Variants in ZNF440 observed in about 807,000 individuals in gnomAD.
ZNF440 encodes zinc finger protein 440.
ZNF440 carries 47 observed loss-of-function variants against 49.7 expected under a neutral mutation model. That is an observed-to-expected ratio of 0.95 (90% CI 0.75 to 1.21). ZNF440 has a LOEUF of 1.21. ZNF440 is among the 50% of genes most tolerant of loss of function. ZNF440 has a pLI of 0.00. For synonymous variants in ZNF440, 255 were observed against 237.7 expected (o/e 1.07, Z -0.67); for missense variants, 703 against 715.0 (o/e 0.98, Z 0.19).
intron 3 of ZNF440, 79 bp downstream of exon 3, chr19:11,830,756 C>T: frequency 6.7e-7 from 1 of 1,494,030 alleles, no homozygotes. Context: ...ATAAGTAAAA[C>T]AAAGAACTAA....
intron 1 of ZNF440, among the ~76,000 whole-genome samples, chr19:11,828,648 C>A (rs1329264808): frequency 6.6e-6 from 1 of 151,024 alleles, no homozygotes; most frequent in African/African-American, 2.4e-5. Context: ...AGGTGTCATG[C>A]ATGTTGTAGT....
intron 1 of ZNF440, among the ~76,000 whole-genome samples, chr19:11,821,161 A>G (rs1246434554): frequency 2.0e-5 from 3 of 151,874 alleles, no homozygotes; most frequent in Admixed American, 6.6e-5. Context: ...GCACTCTCCT[A>G]TGTTTTCTTG....
intron 1 of ZNF440, among the ~76,000 whole-genome samples, chr19:11,818,668 G>A (rs2545815): frequency 0.01 from 1,535 of 152,152 alleles, 26 homozygotes; most frequent in African/African-American, 0.035. Flanking sequence ...CGCCTCCCAA[G>A]TAGCTGAGAC....
intron 3 of ZNF440, among the ~76,000 whole-genome samples, 184 bp downstream of exon 3, chr19:11,830,861 T>C (rs1358642949): frequency 6.6e-6 from 1 of 152,192 alleles, no homozygotes; most frequent in Non-Finnish European, 1.5e-5. Context: ...GTAATCCCAA[T>C]CCTTTGAGAA....
intron 1 of ZNF440, among the ~76,000 whole-genome samples, chr19:11,819,561 G>A (rs1429264963): frequency 6.6e-6 from 1 of 152,100 alleles, no homozygotes; most frequent in Non-Finnish European, 1.5e-5. Flanking sequence ...ACCACACTTG[G>A]CTAATTTTTA....
chr19:11,826,147 C>A (rs587859), intron 1 of ZNF440, among the ~76,000 whole-genome samples: 57,581 of 151,960 alleles, frequency 0.38, 11,312 homozygotes, highest in African/African-American at 0.46. Flanking sequence ...GAATAACATT[C>A]TATTGTACGG....
At position 11,833,743 on chromosome 19, in the gene ZNF440, A is replaced by G; in HGVS notation, c.*779A>G. 1 of 806,144 alleles carries G rather than the reference A, an allele frequency of 1.2e-6. No homozygotes were observed. The highest frequency in any genetic ancestry group is 1.8e-6 in the Non-Finnish European group (1 of 540,756). The allele number at this position is 806,144 out of a possible 1,614,324, so 49.9% of individuals were successfully genotyped here. On this transcript the variant is annotated 3_prime_UTR_variant, in exon 4 of 4. Coordinates refer to ENST00000304060, the MANE Select transcript of ZNF440 (RefSeq NM_152357.3). ...ACTCACACTGGAGAGAAGCCCTATG[A>G]ATATAAGCAATGTGGGAAAGCCTTC...
intron 1 of ZNF440, among the ~76,000 whole-genome samples, chr19:11,826,785 T>A (rs1015462857): frequency 1.3e-4 from 20 of 151,112 alleles, no homozygotes; most frequent in African/African-American, 4.9e-4. Context: ...TGACTCAGAC[T>A]CCCGAATAGC....
chr19:11,825,728 C>T (rs1035824307), intron 1 of ZNF440, among the ~76,000 whole-genome samples: 3 of 151,656 alleles, frequency 2.0e-5, no homozygotes, highest in Non-Finnish European at 2.9e-5. Context: ...GTGATCCTCC[C>T]GCCTCAGCTT....
In ZNF440 at chr19:11,832,619, T is replaced by A; in HGVS notation, c.1443T>A (p.Thr481=). The A allele has an allele frequency of 6.2e-7, 1 of 1,613,564 alleles. No individual in the cohort carries two copies. The highest frequency in any genetic ancestry group is 8.5e-7 in the Non-Finnish European group (1 of 1,179,868). ...TTCAAAGACATGAAAAAACTCACAC[T>A]GGAGAGAAACTCTATGAATGCAAGC... ...KSFQRHEKTH[T]GEKLYECKQR... The change falls in exon 4 of 4, where the codon ACT becomes ACA. Residue 481 remains threonine, a synonymous_variant. Transcript: ENST00000304060.
At position 11,831,998 on chromosome 19, in the gene ZNF440, T is replaced by C; in HGVS notation, c.822T>C (p.His274=). 1 of 1,614,022 alleles carries C rather than the reference T, an allele frequency of 6.2e-7. No individual in the cohort carries two copies. The highest frequency in any genetic ancestry group is 8.5e-7 in the Non-Finnish European group (1 of 1,179,990). The change falls in exon 4 of 4, where the codon CAT becomes CAC. Residue 274 remains histidine, a synonymous_variant. Transcript: ENST00000304060. ...AFHSPRSYRR[H]ERIHMGEKAY... ...ATAGTCCCAGATCCTATCGTAGACA[T>C]GAAAGGATTCACATGGGAGAAAAGG...
intron 1 of ZNF440, among the ~76,000 whole-genome samples, chr19:11,824,517 G>T (rs1361973338): frequency 6.6e-6 from 1 of 151,948 alleles, no homozygotes; most frequent in African/African-American, 2.4e-5. Flanking sequence ...AATGATAACC[G>T]ATATGTGATA....
At chr19:11,824,706 C>CTT (rs71166634) in intron 1 of ZNF440, among the ~76,000 whole-genome samples, 34,707 of 119,824 alleles carry the variant, frequency 0.29, 5,934 homozygotes, top group Non-Finnish European at 0.35. Flanking sequence ...CCCCACCACC[C>CTT]TTTTTTTTTT....
chr19:11,817,065 A>T (rs1975741098), intron 1 of ZNF440: 1 of 152,216 alleles, frequency 6.6e-6, no homozygotes. Context: ...AACCCGAAAT[A>T]ATCGAAAGTT....
chr19:11,830,814 T>A, intron 3 of ZNF440, 137 bp downstream of exon 3: 4 of 1,188,104 alleles, frequency 3.4e-6, no homozygotes, highest in Non-Finnish European at 4.7e-6. Flanking sequence ...TCAAAAAACA[T>A]ATATGTAAAT....
At chr19:11,830,137 T>C in intron 1 of ZNF440, 146 bp from the exon 2 acceptor site, 1 of 1,468,972 alleles carries the variant, frequency 6.8e-7, no homozygotes, top group Non-Finnish European at 9.1e-7. Context: ...AAAGTAAGTA[T>C]ACACAGGGAG....
intron 2 of ZNF440, 56 bp from the exon 3 acceptor site, chr19:11,830,561 A>C: frequency 1.2e-6 from 2 of 1,602,594 alleles, no homozygotes; most frequent in Non-Finnish European, 1.7e-6. Context: ...GAATCTAATA[A>C]TTTTTTCACA....
At position 11,831,716 on chromosome 19, in the gene ZNF440, C is replaced by A. The variant is rs1975942880; in HGVS notation, c.540C>A (p.Thr180=). The A allele has an allele frequency of 4.3e-6, 7 of 1,614,038 alleles. No individual in the cohort carries two copies. The highest frequency in any genetic ancestry group is 4.0e-5 in the African/African-American group (3 of 75,014). ...ATGCTTGTAAAGTATGTGGAAAAAC[C>A]TTTATTTCCCATTCAAGTGTTCGAA... ...KPNACKVCGK[T]FISHSSVRRH... Residue 180 remains threonine (T), a synonymous_variant, in exon 4 of 4, where the codon ACC becomes ACA. Transcript: ENST00000304060.
chr19:11,830,589 G>A (rs750223085), intron 2 of ZNF440, 28 bp from the exon 3 acceptor site: 1 of 1,612,356 alleles, frequency 6.2e-7, no homozygotes, highest in African/African-American at 1.3e-5. Flanking sequence ...ACTGCCTCAG[G>A]ACTATTTTTT....
Sources: gnomAD v4.1 joint callset for allele counts (sites outside exome capture counted in the v4.1 genomes callset) on GRCh38, gnomAD v4.1.1 for gene constraint, MANE v1.5 for transcripts, NCBI Gene and HGNC (gene_info 2026-07-23, HGNC 2026-07-21) for gene names.